SORCS2: variants seen among roughly 807,000 people sequenced by gnomAD.
The protein encoded by SORCS2 is VPS10 domain-containing receptor SorCS2.
A neutral mutation model predicts 141.6 loss-of-function variants in SORCS2; 100 were observed. The ratio of observed to expected loss-of-function variants is 0.71; its 90% CI spans 0.60 to 0.83. SORCS2 has a LOEUF of 0.83. Among genes scored for constraint, SORCS2 ranks in the 40% least tolerant of loss-of-function variants. SORCS2 has a pLI of 0.00. For missense variants in SORCS2, 1,646 were observed against 1,560.2 expected (o/e 1.05, Z -0.93); for synonymous variants, 789 against 676.9 (o/e 1.17, Z -2.57).
intron 3 of SORCS2, among the ~76,000 whole-genome samples, chr4:7,593,118 G>T (rs544756041): frequency 2.0e-5 from 3 of 152,270 alleles, no homozygotes; most frequent in Admixed American, 2.0e-4. Context: ...AGTGAGCCAT[G>T]ATCGCACCCC....
At chr4:7,319,462 G>T (rs3913442) in intron 1 of SORCS2, among the ~76,000 whole-genome samples, 88,541 of 151,880 alleles carry the variant, frequency 0.58, 25,829 homozygotes, top group South Asian at 0.72. Context: ...CCTAGCACTT[G>T]GGGAGGCCAA....
chr4:7,437,227 C>T (rs867333405), intron 2 of SORCS2, among the ~76,000 whole-genome samples: 1 of 152,170 alleles, frequency 6.6e-6, no homozygotes. Flanking sequence ...TCCTGAGACC[C>T]CCTCCTCGGG....
chr4:7,488,852 T>C (rs1206530593), intron 2 of SORCS2, among the ~76,000 whole-genome samples: 1 of 152,252 alleles, frequency 6.6e-6, no homozygotes, highest in Admixed American at 6.5e-5. Context: ...TAAAGCTGTT[T>C]CATAAATGAG....
chr4:7,665,268 C>T (rs1038828136), intron 7 of SORCS2, among the ~76,000 whole-genome samples: 26 of 152,286 alleles, frequency 1.7e-4, no homozygotes, highest in African/African-American at 6.3e-4. Context: ...TCAGTCTGTG[C>T]CAAGGGCCAC....
intron 1 of SORCS2, among the ~76,000 whole-genome samples, chr4:7,211,519 C>T (rs1190514637): frequency 6.6e-6 from 1 of 152,124 alleles, no homozygotes; most frequent in Admixed American, 6.5e-5. Flanking sequence ...ATTACAAGCA[C>T]CTACCACCAC....
At chr4:7,213,023 G>A (rs752895451) in intron 1 of SORCS2, among the ~76,000 whole-genome samples, 2 of 152,242 alleles carry the variant, frequency 1.3e-5, no homozygotes, top group African/African-American at 4.8e-5. Flanking sequence ...AGCTCTGGGC[G>A]GTGTGACTTC....
chr4:7,703,347 C>T lies in SORCS2; in HGVS notation c.1736C>T (p.Thr579Ile). The stretch of plus-strand genomic sequence containing the variant: ...GGCGTGATCGTGGCCATCAAAGACA[C>T]CTCCATCCCTTTGAAGATCCTCAAG... ...HGGVIVAIKD[T>I]SIPLKILKFS... is the part of the protein sequence containing the mutation. Residue 579 changes from threonine (T) to isoleucine (I), a missense_variant, in exon 13 of 27, where the codon ACC becomes ATC. Coordinates refer to ENST00000507866, the MANE Select transcript of SORCS2 (RefSeq NM_020777.3). The T allele has an allele frequency of 6.2e-7, 1 of 1,613,402 alleles. No individual in the cohort carries two copies. The highest frequency in any genetic ancestry group is 8.5e-7 in the Non-Finnish European group (1 of 1,179,676).
intron 3 of SORCS2, among the ~76,000 whole-genome samples, chr4:7,571,031 A>G (rs1715355130): frequency 6.6e-6 from 1 of 151,934 alleles, no homozygotes; most frequent in African/African-American, 2.4e-5. Context: ...TTTAGTGAGA[A>G]CCCCATCACA....
intron 23 of SORCS2, 148 bp from the exon 24 acceptor site, chr4:7,733,174 A>C: frequency 1.2e-5 from 1 of 80,838 alleles, no homozygotes; most frequent in Non-Finnish European, 2.5e-5. Context: ...CCCCCCATGG[A>C]GGACCCCTTC....
chr4:7,724,426 G>A (rs1726902920), intron 19 of SORCS2, among the ~76,000 whole-genome samples: 5 of 140,106 alleles, frequency 3.6e-5, no homozygotes, highest in African/African-American at 1.4e-4. Flanking sequence ...ATGGATGGTG[G>A]TGGTGATAAT....
intron 1 of SORCS2, among the ~76,000 whole-genome samples, chr4:7,230,950 A>G (rs1217818437): frequency 6.6e-6 from 1 of 152,276 alleles, no homozygotes; most frequent in Non-Finnish European, 1.5e-5. Context: ...AGGGTTCTCC[A>G]GAGAAACAGA....
chr4:7,338,231 G>A (rs1005686258), intron 1 of SORCS2, among the ~76,000 whole-genome samples: 4 of 145,724 alleles, frequency 2.7e-5, no homozygotes, highest in Admixed American at 6.8e-5. Context: ...GATGGATGTC[G>A]GATGGAAGGA....
chr4:7,448,055 T>G (rs1301535861), intron 2 of SORCS2, among the ~76,000 whole-genome samples: 1 of 152,198 alleles, frequency 6.6e-6, no homozygotes, highest in Non-Finnish European at 1.5e-5. Flanking sequence ...CTCGCTCTTC[T>G]TCACCCTGTG....
intron 1 of SORCS2, among the ~76,000 whole-genome samples, chr4:7,316,392 C>T (rs1303888601): frequency 1.3e-5 from 2 of 152,182 alleles, no homozygotes; most frequent in East Asian, 3.9e-4. Context: ...GATTTCATTC[C>T]ATGAACTTCC....
chr4:7,456,809 G>T (rs751158568), intron 2 of SORCS2, among the ~76,000 whole-genome samples: 1 of 152,122 alleles, frequency 6.6e-6, no homozygotes, highest in Non-Finnish European at 1.5e-5. Context: ...TCGACGATCA[G>T]TGTGGAGGGA....
At chr4:7,389,582 T>C (rs1723727695) in intron 1 of SORCS2, among the ~76,000 whole-genome samples, 1 of 152,198 alleles carries the variant, frequency 6.6e-6, no homozygotes, top group South Asian at 2.1e-4. Flanking sequence ...ACTCCCTGTG[T>C]GCCGGCCCTG....
intron 1 of SORCS2, among the ~76,000 whole-genome samples, chr4:7,310,833 C>G (rs949450727): frequency 2.0e-5 from 3 of 152,224 alleles, no homozygotes; most frequent in African/African-American, 7.2e-5. Context: ...TCCCATGAGT[C>G]AGTAATGCAG....
intron 3 of SORCS2, among the ~76,000 whole-genome samples, chr4:7,551,866 T>C (rs1713730735): frequency 1.3e-5 from 2 of 152,226 alleles, no homozygotes; most frequent in Non-Finnish European, 2.9e-5. Context: ...TATGAACAAA[T>C]TGTAATATAC....
Position 7,193,674 on chromosome 4 carries a change from A to C in SORCS2, c.480+548A>C, listed in dbSNP as rs796963958. Among the ~76,000 whole-genome samples the C allele has an allele frequency of 2.5e-4, 38 of 152,254 alleles. No individual in the cohort carries two copies. The highest frequency in any genetic ancestry group is 3.4e-3 in the Middle Eastern group (1 of 294). On this transcript the variant is annotated intron_variant, in intron 1 of 26. Coordinates refer to ENST00000507866, the MANE Select transcript of SORCS2 (RefSeq NM_020777.3). This position sits in a 1 kb window ranked among gnomAD's most constrained non-coding sequence, Gnocchi z 4.8. ...GTTACCCCTCTCCCCGGGGTACTCT[A>C]GTGCGACCCGCGGCTGTCTTGAGCT...
Sources: gnomAD v4.1 joint callset for allele counts (sites outside exome capture counted in the v4.1 genomes callset) on GRCh38, gnomAD v4.1.1 for gene constraint, Gnocchi (gnomAD v3.1) non-coding constraint, MANE v1.5 for transcripts, NCBI Gene and HGNC (gene_info 2026-07-23, HGNC 2026-07-21) for gene names.